Variants in TAOK3 observed in about 807,000 individuals in gnomAD.
The protein encoded by TAOK3 is TAO kinase 3, also known as serine/threonine-protein kinase TAO3.
A neutral mutation model predicts 120.4 loss-of-function variants in TAOK3; 40 were observed. That is an observed-to-expected ratio of 0.33 (90% CI 0.26 to 0.43). The LOEUF (loss-of-function observed/expected upper bound fraction) is 0.43, where lower values mean the gene tolerates loss of function less well. Among genes scored for constraint, TAOK3 ranks in the 20% least tolerant of loss-of-function variants. TAOK3 has a pLI of 1.00. For missense variants in TAOK3, 821 were observed against 1,112.1 expected (o/e 0.74, Z 3.72); for synonymous variants, 355 against 387.5 (o/e 0.92, Z 0.99).
chr12:118,290,760 T>C (rs975364196), intron 1 of TAOK3, among the ~76,000 whole-genome samples: 2 of 152,176 alleles, frequency 1.3e-5, no homozygotes, highest in Admixed American at 1.3e-4. Context: ...GAGATGGGTT[T>C]TTGCCATGTT....
At chr12:118,152,511 G>A in intron 19 of TAOK3, 102 bp from the exon 20 acceptor site, 10 of 1,236,844 alleles carry the variant, frequency 8.1e-6, no homozygotes, top group Non-Finnish European at 1.1e-5. Flanking sequence ...CATTTGGATT[G>A]AAATTGGTTG....
At chr12:118,213,951 T>G in intron 10 of TAOK3, 66 bp downstream of exon 10, 1 of 1,344,478 alleles carries the variant, frequency 7.4e-7, no homozygotes, top group Non-Finnish European at 1.1e-6. Flanking sequence ...TAAAATGTAA[T>G]GTAATAAAAA....
At chr12:118,356,100 T>G (rs975576046) in intron 1 of TAOK3, among the ~76,000 whole-genome samples, 3 of 152,180 alleles carry the variant, frequency 2.0e-5, no homozygotes, top group Non-Finnish European at 4.4e-5. Flanking sequence ...AATTGTGTGA[T>G]ACAAATGATA....
intron 13 of TAOK3, among the ~76,000 whole-genome samples, chr12:118,190,927 G>T (rs1225832583): frequency 6.6e-6 from 1 of 152,152 alleles, no homozygotes; most frequent in African/African-American, 2.4e-5. Context: ...ATAGTAATTT[G>T]TACCTCAAAA....
intron 1 of TAOK3, among the ~76,000 whole-genome samples, chr12:118,280,296 A>C (rs2042055050): frequency 6.6e-6 from 1 of 151,746 alleles, no homozygotes; most frequent in Non-Finnish European, 1.5e-5. Context: ...CCTGACCTCA[A>C]GTGACCCACC....
chr12:118,225,412 C>T (rs2039456072), intron 9 of TAOK3, among the ~76,000 whole-genome samples: 1 of 150,598 alleles, frequency 6.6e-6, no homozygotes, highest in Non-Finnish European at 1.5e-5. Context: ...AAAAAAATAC[C>T]CTTCTTTTAC....
intron 1 of TAOK3, among the ~76,000 whole-genome samples, chr12:118,317,491 G>A (rs2140912630): frequency 6.6e-6 from 1 of 151,920 alleles, no homozygotes; most frequent in South Asian, 2.1e-4. Flanking sequence ...GTAGAGACGG[G>A]TTTCACCGTG....
At chr12:118,350,375 C>G (rs1253405636) in intron 1 of TAOK3, among the ~76,000 whole-genome samples, 1 of 150,242 alleles carries the variant, frequency 6.7e-6, no homozygotes, top group Non-Finnish European at 1.5e-5. Context: ...CAGTATACAC[C>G]CCTGTAAAGT....
intron 6 of TAOK3, 146 bp from the exon 7 acceptor site, chr12:118,238,315 T>C (rs2040104992): frequency 4.0e-6 from 2 of 499,510 alleles, no homozygotes; most frequent in East Asian, 3.0e-5. Flanking sequence ...TAGAAGATAA[T>C]AAGTGATCAG....
At chr12:118,227,048 G>A (rs765841895) in intron 9 of TAOK3, among the ~76,000 whole-genome samples, 10 of 151,656 alleles carry the variant, frequency 6.6e-5, no homozygotes, top group African/African-American at 1.7e-4. Context: ...GTCAAATTTC[G>A]GAAAGATTTT....
chr12:118,223,924 G>A (rs2039378245), intron 9 of TAOK3, among the ~76,000 whole-genome samples: 1 of 152,194 alleles, frequency 6.6e-6, no homozygotes, highest in Non-Finnish European at 1.5e-5. Context: ...ACAGGCATGA[G>A]TGGCCAAGCC....
intron 1 of TAOK3, among the ~76,000 whole-genome samples, chr12:118,347,871 A>C (rs976928664): frequency 2.0e-5 from 3 of 152,132 alleles, no homozygotes; most frequent in African/African-American, 7.2e-5. Context: ...TCTCATTCTC[A>C]ATTTCTTTCT....
intron 1 of TAOK3, among the ~76,000 whole-genome samples, chr12:118,344,744 A>T (rs901482062): frequency 2.0e-5 from 3 of 152,200 alleles, no homozygotes; most frequent in African/African-American, 7.2e-5. Context: ...TATCACTGTT[A>T]AAAATACTAT....
intron 13 of TAOK3, among the ~76,000 whole-genome samples, chr12:118,192,888 G>A (rs2037503895): frequency 6.6e-6 from 1 of 152,052 alleles, no homozygotes; most frequent in African/African-American, 2.4e-5. Context: ...GATTTTAGAA[G>A]ATTAAGAAGA....
intron 16 of TAOK3, among the ~76,000 whole-genome samples, chr12:118,176,644 C>G (rs191776346): frequency 6.6e-6 from 1 of 151,634 alleles, no homozygotes; most frequent in East Asian, 1.9e-4. Flanking sequence ...AACTCTACCC[C>G]AGAAAATCTA....
rs767323621 is a variant in TAOK3 at position 118,150,961 on chromosome 12, T to C, written c.*36A>G. 52 of 1,486,498 alleles carry C rather than the reference T, an allele frequency of 3.5e-5. No homozygotes were observed. The highest frequency in any genetic ancestry group is 1.1e-4 in the African/African-American group (8 of 70,134). The allele number at this position is 1,486,498 out of a possible 1,614,324, so 92.1% of individuals were successfully genotyped here. On this transcript the variant is annotated 3_prime_UTR_variant, in exon 21 of 21. Coordinates refer to ENST00000392533, the MANE Select transcript of TAOK3 (RefSeq NM_016281.4). ...TCTGAATTTTTTTCTGTTTTCTTTTTTTTTTTTTTTTTTGTAAATGGCAAA... is the reference window on the plus strand; with the variant it reads ...TCTGAATTTTTTTCTGTTTTCTTTTCTTTTTTTTTTTTTGTAAATGGCAAA...
chr12:118,332,508 C>T (rs2044193811), intron 1 of TAOK3, among the ~76,000 whole-genome samples: 1 of 152,168 alleles, frequency 6.6e-6, no homozygotes, highest in Non-Finnish European at 1.5e-5. Context: ...TGGACATCTC[C>T]ATGGCACCTA....
At chr12:118,289,749 T>C (rs1223895903) in intron 1 of TAOK3, among the ~76,000 whole-genome samples, 2 of 151,934 alleles carry the variant, frequency 1.3e-5, no homozygotes, top group Non-Finnish European at 2.9e-5. Context: ...AATCCCAGCA[T>C]TTTGGGAGGC....
intron 14 of TAOK3, among the ~76,000 whole-genome samples, chr12:118,183,405 T>C (rs917377589): frequency 3.3e-5 from 5 of 152,170 alleles, no homozygotes; most frequent in African/African-American, 7.2e-5. Context: ...TATTCATTTC[T>C]CTTTTCTGAA....
Sources: allele counts gnomAD v4.1 joint callset (sites outside exome capture counted in the v4.1 genomes callset), GRCh38; gene constraint gnomAD v4.1.1; transcripts MANE v1.5; gene names NCBI Gene and HGNC (gene_info 2026-07-23, HGNC 2026-07-21).